DOCK7: variants seen among roughly 807,000 people sequenced by gnomAD.
DOCK7 encodes the protein dedicator of cytokinesis 7.
In DOCK7, 138 loss-of-function variants were observed where a neutral mutation model predicts 271.0. That is an observed-to-expected ratio of 0.51 (90% CI 0.44 to 0.59). The LOEUF (loss-of-function observed/expected upper bound fraction) is 0.59, where lower values mean the gene tolerates loss of function less well. DOCK7 is among the 20% of genes least tolerant of loss of function. DOCK7 has a pLI of 0.00. For missense variants in DOCK7, 2,066 were observed against 2,592.4 expected, an observed-to-expected ratio of 0.80 and a Z score of 4.41; for synonymous variants, 823 against 876.1, an observed-to-expected ratio of 0.94 and a Z score of 1.07.
chr1:62,629,100 T>C (rs1468463634), intron 11 of DOCK7: 1 of 152,192 alleles, frequency 6.6e-6, no homozygotes, highest in Non-Finnish European at 1.5e-5. Flanking sequence ...GGTAAAGATA[T>C]GCTGAAACTG....
At chr1:62,560,668 G>T (rs959730214) in intron 19 of DOCK7, among the ~76,000 whole-genome samples, 4 of 151,996 alleles carry the variant, frequency 2.6e-5, no homozygotes, top group Non-Finnish European at 5.9e-5. Context: ...TCACCTGATG[G>T]TCCTTAGACT....
rs1217235928 is a variant in DOCK7 at position 62,483,209 on chromosome 1, T to TTTTTTTTTTTTTTTTTTTTTTTG, written c.5508+4188_5508+4189insCAAAAAAAAAAAAAAAAAAAAAA. ...TTTTTTTTTTTTTTTTTTTTTTTTT[T>TTTTTTTTTTTTTTTTTTTTTTTG]TTGGGTAGAGATGAGATCTCAGTGT... On this transcript the variant is annotated intron_variant, in intron 43 of 49. Coordinates refer to ENST00000635253, the MANE Select transcript of DOCK7 (RefSeq NM_001367561.1). The TTTTTTTTTTTTTTTTTTTTTTTG allele has an allele frequency of 1.7e-3, 125 of 74,438 alleles. 37 individuals carry two copies. The highest frequency in any genetic ancestry group is 3.6e-3 in the East Asian group (8 of 2,208). The allele number at this position is 74,438 out of a possible 1,614,324, so 4.6% of individuals were successfully genotyped here.
At chr1:62,615,033 T>C (rs1263598896) in intron 14 of DOCK7, among the ~76,000 whole-genome samples, 1 of 151,868 alleles carries the variant, frequency 6.6e-6, no homozygotes, top group African/African-American at 2.4e-5. Flanking sequence ...AAATGAAACA[T>C]GGTTACAAAA....
chr1:62,499,126 C>A (rs1278961032), intron 37 of DOCK7, among the ~76,000 whole-genome samples: 1 of 152,108 alleles, frequency 6.6e-6, no homozygotes, highest in Non-Finnish European at 1.5e-5. Flanking sequence ...GGAAACACTG[C>A]CTGATACTAA....
intron 14 of DOCK7, among the ~76,000 whole-genome samples, chr1:62,587,299 T>TAAAAAAAAAAAAAAAAAAAAAAAAAA: frequency 9.6e-5 from 4 of 41,818 alleles, no homozygotes; most frequent in Admixed American, 2.7e-4. Flanking sequence ...ACCAAATAGC[T>TAAAAAAAAAAAAAAAAAAAAAAAAAA]AAAAAAAAAA....
At chr1:62,604,565 G>T (rs576720480) in intron 14 of DOCK7, 1 of 1,478,924 alleles carries the variant, frequency 6.8e-7, no homozygotes, top group Non-Finnish European at 9.4e-7. Flanking sequence ...ATAAACTTAC[G>T]GGGAAATACA....
chr1:62,551,786 TTATATATTTG>T (rs1645914099), intron 22 of DOCK7, among the ~76,000 whole-genome samples: 2 of 151,566 alleles, frequency 1.3e-5, no homozygotes, highest in African/African-American at 4.8e-5. Flanking sequence ...TACCTTGTAT[TTATATATTTG>T]TATATATTTT....
intron 14 of DOCK7, among the ~76,000 whole-genome samples, chr1:62,588,982 T>C (rs1410459604): frequency 6.6e-6 from 1 of 152,206 alleles, no homozygotes; most frequent in Non-Finnish European, 1.5e-5. Context: ...GCTCAAGTGA[T>C]TCTCCCATCT....
chr1:62,634,727 A>G lies in DOCK7; in HGVS notation c.1035+46T>C, dbSNP rs750067329. The G allele has an allele frequency of 3.8e-6, 6 of 1,563,542 alleles. No individual in the cohort carries two copies. The African/African-American group carries it at 6.9e-5, about 18-fold the overall frequency. On this transcript the variant is annotated intron_variant, in intron 9 of 49. Transcript: ENST00000635253. Reference sequence around the variant, plus strand: ...AAGTTTATAATACTGACAGACAAGTATACAGACACTACAAAATAAACAAAT... The same window carrying G: ...AAGTTTATAATACTGACAGACAAGTGTACAGACACTACAAAATAAACAAAT...
chr1:62,674,921 T>C (rs1660382468), intron 1 of DOCK7, among the ~76,000 whole-genome samples: 1 of 152,098 alleles, frequency 6.6e-6, no homozygotes. Flanking sequence ...ACCAAAATCC[T>C]GATGCATAAA....
intron 2 of DOCK7, among the ~76,000 whole-genome samples, chr1:62,660,167 G>A (rs1049806972): frequency 6.6e-6 from 1 of 152,056 alleles, no homozygotes; most frequent in Non-Finnish European, 1.5e-5. Context: ...ACCATACTCT[G>A]ACCCATAAAA....
intron 1 of DOCK7, among the ~76,000 whole-genome samples, chr1:62,671,159 C>T (rs1281971473): frequency 6.6e-6 from 1 of 152,146 alleles, no homozygotes; most frequent in Non-Finnish European, 1.5e-5. Context: ...GGACAGACTC[C>T]AGACGCGCCA....
At chr1:62,641,733 A>ACC (rs1484388777) in intron 7 of DOCK7, 3 of 316,272 alleles carry the variant, frequency 9.5e-6, no homozygotes, top group Non-Finnish European at 1.9e-5. Context: ...TTTGGCAGCC[A>ACC]CCTGGGAAAG....
In DOCK7 at chr1:62,601,062, G is replaced by T. The variant is rs540203252; in HGVS notation, c.1683-14438C>A. Reference sequence around the variant, plus strand: ...ATATTCAGTATCATTTTAAAAAACAGATTTATATTCTTTTATCAGCTCAGA... The same window carrying T: ...ATATTCAGTATCATTTTAAAAAACATATTTATATTCTTTTATCAGCTCAGA... On this transcript the variant is annotated intron_variant, in intron 14 of 49. Transcript: ENST00000635253. 6 of 1,418,260 alleles carry T rather than the reference G, an allele frequency of 4.2e-6. No homozygotes were observed. In the African/African-American group the frequency reaches 7.1e-5, roughly 17 times the overall value. 87.9% of individuals were successfully genotyped at this position (1,418,260 alleles called of 1,614,324 possible).
At chr1:62,462,802 C>A (rs1002819701) in intron 48 of DOCK7, among the ~76,000 whole-genome samples, 1 of 151,328 alleles carries the variant, frequency 6.6e-6, no homozygotes, top group Non-Finnish European at 1.5e-5. Context: ...GGTCTCACTA[C>A]GTAGACTTGA....
At chr1:62,568,375 A>T (rs1646597871) in intron 18 of DOCK7, among the ~76,000 whole-genome samples, 1 of 151,128 alleles carries the variant, frequency 6.6e-6, no homozygotes, top group South Asian at 2.1e-4. Context: ...ATCTCAGCTC[A>T]CTGCAACCTC....
chr1:62,485,496 G>T, intron 43 of DOCK7: 1 of 985,382 alleles, frequency 1.0e-6, no homozygotes, highest in Non-Finnish European at 1.2e-6. Flanking sequence ...TCAATTCAAA[G>T]AGCCTTTCTA....
Position 62,504,692 on chromosome 1 carries a change from T to A in DOCK7, c.4702A>T (p.Ile1568Leu), listed in dbSNP as rs374009939. Residue 1568 changes from isoleucine to leucine, a missense_variant, in exon 37 of 50, where the codon ATA becomes TTA. Physicochemically the swap from Ile to Leu is conservative, Grantham distance 5 (BLOSUM62 2). Transcript: ENST00000635253. ...LRHCSSSIGT[I>L]RSHASASLYL... is the part of the protein sequence containing the mutation. ...AGGGAGGCACTGGCGTGTGACCGTA[T>A]TGTACCGATGCTACTGCTACAGTGT... 58 of 1,614,032 alleles carry A rather than the reference T, an allele frequency of 3.6e-5. No homozygotes were observed. The highest frequency in any genetic ancestry group is 4.6e-5 in the Non-Finnish European group (54 of 1,180,022).
intron 2 of DOCK7, among the ~76,000 whole-genome samples, chr1:62,660,944 C>G (rs915927371): frequency 1.3e-5 from 2 of 151,888 alleles, no homozygotes; most frequent in Admixed American, 6.6e-5. Flanking sequence ...ATAAAAAATA[C>G]AAAAATTAGC....
Sources: allele counts gnomAD v4.1 joint callset (sites outside exome capture counted in the v4.1 genomes callset), GRCh38; gene constraint gnomAD v4.1.1; transcripts MANE v1.5; gene names NCBI Gene and HGNC (gene_info 2026-07-23, HGNC 2026-07-21).